Variants in ANKRD11 observed in about 807,000 individuals in gnomAD.
ANKRD11 encodes the protein ankyrin repeat domain 11.
In ANKRD11, 17 loss-of-function variants were observed where a neutral mutation model predicts 195.7. That is an observed-to-expected ratio of 0.09 (90% CI 0.06 to 0.13). The LOEUF is 0.13. Among genes scored for constraint, ANKRD11 ranks in the 10% least tolerant of loss-of-function variants. The pLI, the probability that ANKRD11 is intolerant of heterozygous loss-of-function variation, is 1.00. For missense variants in ANKRD11, 3,735 were observed against 3,566.1 expected, an observed-to-expected ratio of 1.05 and a Z score of -1.21; for synonymous variants, 1,953 against 1,528.1, an observed-to-expected ratio of 1.28 and a Z score of -6.49.
At chr16:89,302,568 A>C (rs1240136899) in intron 4 of ANKRD11, among the ~76,000 whole-genome samples, 1 of 152,148 alleles carries the variant, frequency 6.6e-6, no homozygotes, top group Non-Finnish European at 1.5e-5. Flanking sequence ...TGCTACTTTA[A>C]GAGGGTCCTG....
chr16:89,463,411 C>A (rs1411173753), intron 1 of ANKRD11, among the ~76,000 whole-genome samples: 1 of 152,186 alleles, frequency 6.6e-6, no homozygotes, highest in Non-Finnish European at 1.5e-5. Flanking sequence ...TGTGTCCACT[C>A]AGGGTTAAAT....
intron 1 of ANKRD11, among the ~76,000 whole-genome samples, chr16:89,432,631 T>G (rs2043030071): frequency 6.6e-6 from 1 of 152,152 alleles, no homozygotes; most frequent in Non-Finnish European, 1.5e-5. Context: ...TACGGAGATA[T>G]GTATTGCTTT....
chr16:89,471,052 A>G (rs2057068034), intron 1 of ANKRD11, among the ~76,000 whole-genome samples: 2 of 149,720 alleles, frequency 1.3e-5, no homozygotes, highest in African/African-American at 4.9e-5. Context: ...CTACATCCTC[A>G]ATTTAAAAGC....
At position 89,313,058 on chromosome 16, in the gene ANKRD11, C is replaced by T. The variant is rs955906752; in HGVS notation, c.87+3875G>A. ...CCATGCCCATGGACGCCATCTCCAG[C>T]CTCTCGGCCTCCACACAGCTCGCCA... On this transcript the variant is annotated intron_variant, in intron 3 of 12. Coordinates refer to ENST00000301030, the MANE Select transcript of ANKRD11 (RefSeq NM_013275.6). Among the ~76,000 whole-genome samples the T allele has an allele frequency of 2.6e-5, 4 of 152,274 alleles. No homozygotes were observed. In the South Asian group the frequency reaches 8.3e-4, roughly 32 times the overall value.
intron 1 of ANKRD11, among the ~76,000 whole-genome samples, chr16:89,456,449 G>A (rs1336482819): frequency 6.6e-6 from 1 of 150,562 alleles, no homozygotes; most frequent in African/African-American, 2.5e-5. Flanking sequence ...TCGGGAGGCT[G>A]AGGCAGGAGA....
intron 7 of ANKRD11, 162 bp downstream of exon 7, chr16:89,288,366 G>A: frequency 1.7e-6 from 2 of 1,153,482 alleles, no homozygotes; most frequent in South Asian, 1.3e-5. Flanking sequence ...GGGAAAGCTG[G>A]GGGCAGACAG....
At chr16:89,427,135 T>C (rs1295836607) in intron 1 of ANKRD11, among the ~76,000 whole-genome samples, 1 of 152,124 alleles carries the variant, frequency 6.6e-6, no homozygotes, top group Non-Finnish European at 1.5e-5. Flanking sequence ...CAATGAACAA[T>C]CTGAAAAAGA....
chr16:89,410,060 C>T (rs1238977274), intron 2 of ANKRD11, among the ~76,000 whole-genome samples: 3 of 152,094 alleles, frequency 2.0e-5, no homozygotes, highest in African/African-American at 7.2e-5. Context: ...AGGATGGTCT[C>T]GATCTCCTGA....
intron 2 of ANKRD11, among the ~76,000 whole-genome samples, chr16:89,333,241 A>T (rs1449812782): frequency 2.0e-5 from 3 of 152,228 alleles, no homozygotes; most frequent in Non-Finnish European, 4.4e-5. Flanking sequence ...AACATATTTT[A>T]TTTTTTAAAG....
intron 1 of ANKRD11, among the ~76,000 whole-genome samples, chr16:89,445,769 G>A (rs957683631): frequency 6.6e-6 from 1 of 152,134 alleles, no homozygotes; most frequent in Admixed American, 6.5e-5. Flanking sequence ...GAGGTCAGGA[G>A]TTCGAGACCA....
Position 89,280,151 on chromosome 16 carries a change from G to A in ANKRD11, c.6391C>T (p.Leu2131=), listed in dbSNP as rs776609066. 2 of 1,610,588 alleles carry A rather than the reference G, an allele frequency of 1.2e-6. No homozygotes were observed. Among genetic ancestry groups the A allele is most frequent in the Non-Finnish European group, 8.5e-7 (1 of 1,179,010 alleles). Residue 2131 remains leucine (L), a synonymous_variant, in exon 9 of 13, where the codon CTG becomes TTG. Transcript: ENST00000301030. ...GGCAGGGAGAAGGGCCCCAGGTCCA[G>A]GTCGTCCTCGGGGCCGGCGAAGGCG... The part of the protein sequence containing the change: ...ADAFAGPEDD[L]DLGPFSLPEL...
In ANKRD11 at chr16:89,291,565, C is replaced by T. The variant is rs527748378; in HGVS notation, c.227-382G>A. 2.7e-5 allele frequency: 22 copies of T among 805,946 alleles called. No homozygotes were observed. Among genetic ancestry groups the T allele is most frequent in the Middle Eastern group, 2.6e-4 (1 of 3,888 alleles). The allele number at this position is 805,946 out of a possible 1,614,324, so 49.9% of individuals were successfully genotyped here. On this transcript the variant is annotated intron_variant, in intron 4 of 12. Transcript: ENST00000301030. The surrounding 1 kb of genome is among the most constrained non-coding windows in gnomAD (Gnocchi z 5.3). Reference sequence around the variant, plus strand: ...ACAGGACAGGTCTCTGTTCAATACACGTGTCTGTAATTCAATTCCACCTTC... The same window carrying T: ...ACAGGACAGGTCTCTGTTCAATACATGTGTCTGTAATTCAATTCCACCTTC...
intron 4 of ANKRD11, chr16:89,301,478 C>G (rs2035849994): frequency 5.0e-6 from 2 of 398,416 alleles, no homozygotes; most frequent in Admixed American, 4.4e-5. Context: ...CAGAGCAGGG[C>G]AGGCAAGATG....
At chr16:89,460,646 C>T (rs1199792159) in intron 1 of ANKRD11, among the ~76,000 whole-genome samples, 1 of 151,954 alleles carries the variant, frequency 6.6e-6, no homozygotes, top group African/African-American at 2.4e-5. Context: ...TTGAAGCAGG[C>T]GGGTTGTTTG....
At chr16:89,335,577 G>A (rs946112035) in intron 2 of ANKRD11, among the ~76,000 whole-genome samples, 1 of 152,166 alleles carries the variant, frequency 6.6e-6, no homozygotes, top group Non-Finnish European at 1.5e-5. Flanking sequence ...GCAGAACAGC[G>A]AGTGACGTCG....
At chr16:89,401,809 G>A (rs1395545093) in intron 2 of ANKRD11, among the ~76,000 whole-genome samples, 1 of 152,140 alleles carries the variant, frequency 6.6e-6, no homozygotes, top group African/African-American at 2.4e-5. Context: ...GGGTGAAGAG[G>A]GAGGCGGAGA....
chr16:89,363,739 C>T (rs914328267), intron 2 of ANKRD11, among the ~76,000 whole-genome samples: 3 of 152,172 alleles, frequency 2.0e-5, no homozygotes, highest in African/African-American at 4.8e-5. Context: ...TGGAAGAACA[C>T]GGGCCTGCAG....
At chr16:89,307,590 G>A (rs534685397) in intron 3 of ANKRD11, among the ~76,000 whole-genome samples, 5 of 152,180 alleles carry the variant, frequency 3.3e-5, no homozygotes, top group African/African-American at 7.2e-5. Flanking sequence ...GGTCCCTCCC[G>A]GGCCTCCGGA....
In ANKRD11 at chr16:89,405,562, G is replaced by A. The variant is rs983671043; in HGVS notation, c.-60+12722C>T. ...TTGTCCGGGCTGGTCTCGAACTCCT[G>A]GGTTGCAGCAATCCTCCCGCCTCAG... is the stretch of plus-strand genomic sequence containing the variant. On this transcript the variant is annotated intron_variant, in intron 2 of 12. Transcript: ENST00000301030. Among the ~76,000 whole-genome samples the A allele has an allele frequency of 1.3e-4, 19 of 148,574 alleles. 1 individual carries two copies. Among genetic ancestry groups the A allele is most frequent in the African/African-American group, 4.5e-4 (18 of 39,800 alleles).
Sources: gnomAD v4.1 joint callset for allele counts (sites outside exome capture counted in the v4.1 genomes callset) on GRCh38, gnomAD v4.1.1 for gene constraint, Gnocchi (gnomAD v3.1) non-coding constraint, MANE v1.5 for transcripts, NCBI Gene and HGNC (gene_info 2026-07-23, HGNC 2026-07-21) for gene names.